COX14: variants seen among roughly 807,000 people sequenced by gnomAD.
COX14 encodes the protein cytochrome c oxidase assembly factor COX14, also known as cytochrome c oxidase assembly protein COX14.
Under a neutral mutation model 5.8 loss-of-function variants are expected in COX14, and 3 were observed. That is an observed-to-expected ratio of 0.51 (90% CI 0.23 to 1.33). The LOEUF is 1.33. Among genes scored for constraint, COX14 ranks in the 40% most tolerant of loss-of-function variants. The pLI is 0.18. For missense variants in COX14, 72 were observed against 72.1 expected (o/e 1.00, Z 0.01); for synonymous variants, 25 against 26.1 (o/e 0.96, Z 0.13).
In COX14 at chr12:50,112,251, C is replaced by T. The variant is rs377383530; in HGVS notation, c.-59C>T. 3.0e-4 allele frequency: 290 copies of T among 969,812 alleles called. 3 individuals carry two copies. The South Asian group carries it at 0.012, about 39-fold the overall frequency. 60.1% of individuals were successfully genotyped at this position (969,812 alleles called of 1,614,324 possible). On this transcript the variant is annotated 5_prime_UTR_variant, in exon 1 of 2. Transcript: ENST00000550487. The stretch of plus-strand genomic sequence containing the variant: ...TTGCGTAGACAGTGGCCTCGAGACC[C>T]TGCCTGCCTGAGGAGGCCTCGGTTG...
chr12:50,117,895 TG>T (rs1199317996), intron 1 of COX14, among the ~76,000 whole-genome samples: 1 of 151,506 alleles, frequency 6.6e-6, no homozygotes. Flanking sequence ...AGGCGCGCAC[TG>T]CCATGCCCAG....
rs938358460 is a variant in COX14 at position 50,120,451 on chromosome 12, G to A, written c.*234G>A. ...CTACAGACATTAAATAATTTGCTGT[G>A]TCTGTGTCTTGGTGTTTTTTGTTTA... On this transcript the variant is annotated 3_prime_UTR_variant, in exon 2 of 2. Transcript: ENST00000550487. 2.1e-6 allele frequency: 1 copy of A among 472,630 alleles called. No individual in the cohort carries two copies. The highest frequency in any genetic ancestry group is 3.9e-6 in the Non-Finnish European group (1 of 255,446). The allele number at this position is 472,630 out of a possible 1,614,324, so 29.3% of individuals were successfully genotyped here.
intron 1 of COX14, among the ~76,000 whole-genome samples, chr12:50,118,776 A>G (rs577152591): frequency 2.8e-4 from 42 of 152,170 alleles, no homozygotes; most frequent in Non-Finnish European, 4.6e-4. Context: ...CAAAAAATAT[A>G]TCTATATATC....
chr12:50,116,313 G>A (rs1186808912), intron 1 of COX14, among the ~76,000 whole-genome samples: 3 of 152,158 alleles, frequency 2.0e-5, no homozygotes, highest in East Asian at 1.9e-4. Flanking sequence ...GGCTGGTCTC[G>A]AACTCCTGAC....
intron 1 of COX14, among the ~76,000 whole-genome samples, chr12:50,114,253 AT>A (rs1274771005): frequency 4.2e-4 from 60 of 142,154 alleles, no homozygotes; most frequent in Non-Finnish European, 4.5e-4. Context: ...TGTTTCTGGA[AT>A]TTTTTTTTTT....
chr12:50,113,660 T>C (rs760309855), intron 1 of COX14, among the ~76,000 whole-genome samples: 4 of 151,224 alleles, frequency 2.6e-5, no homozygotes, highest in Non-Finnish European at 4.4e-5. Flanking sequence ...TGAGACGGAG[T>C]CTCGCCCTGT....
chr12:50,117,659 A>T (rs1951092980), intron 1 of COX14, among the ~76,000 whole-genome samples: 2 of 149,400 alleles, frequency 1.3e-5, no homozygotes, highest in Admixed American at 1.3e-4. Flanking sequence ...GCTCAACTGC[A>T]ACCTCTGCCT....
At chr12:50,117,350 G>A (rs1021312249) in intron 1 of COX14, among the ~76,000 whole-genome samples, 3 of 151,670 alleles carry the variant, frequency 2.0e-5, no homozygotes, top group African/African-American at 7.3e-5. Flanking sequence ...TGTATGCTTT[G>A]GTGTGTGTGT....
chr12:50,113,303 A>ATTTT (rs36016055), intron 1 of COX14, among the ~76,000 whole-genome samples: 1 of 138,872 alleles, frequency 7.2e-6, no homozygotes, highest in Non-Finnish European at 1.6e-5. Context: ...CGTTTACGCA[A>ATTTT]TTTTTTTTTT....
rs538850633 is a variant in COX14 at position 50,117,605 on chromosome 12, G to A, written c.-8-2431G>A. Among the ~76,000 whole-genome samples, 91 of 146,074 alleles carry A rather than the reference G, an allele frequency of 6.2e-4. No homozygotes were observed. The Middle Eastern group carries it at 0.014, about 22-fold the overall frequency. The stretch of plus-strand genomic sequence containing the variant: ...TCTTTTTTTTTTTTTTTGAGACGGT[G>A]TCTCACTCTGTTGCCCAGGTTGGAG... On this transcript the variant is annotated intron_variant, in intron 1 of 1. Coordinates refer to ENST00000550487, the MANE Select transcript of COX14 (RefSeq NM_032901.4).
At chr12:50,117,604 T>G (rs1592310623) in intron 1 of COX14, among the ~76,000 whole-genome samples, 2 of 138,480 alleles carry the variant, frequency 1.4e-5, no homozygotes, top group African/African-American at 5.5e-5. Flanking sequence ...TTTGAGACGG[T>G]GTCTCACTCT....
chr12:50,112,942 T>C (rs1429572040), intron 1 of COX14: 1 of 151,936 alleles, frequency 6.6e-6, no homozygotes, highest in Non-Finnish European at 1.5e-5. Context: ...TGTTATGTTA[T>C]GTTATTTTGA....
At chr12:50,113,390 G>C (rs1253338813) in intron 1 of COX14, among the ~76,000 whole-genome samples, 1 of 147,860 alleles carries the variant, frequency 6.8e-6, no homozygotes, top group Non-Finnish European at 1.5e-5. Flanking sequence ...TACAAGCTCC[G>C]CCTTCCGGGT....
Position 50,120,039 on chromosome 12 carries a change from A to G in COX14, c.-5A>G, listed in dbSNP as rs199552105. On this transcript the variant is annotated 5_prime_UTR_variant, in exon 2 of 2. Coordinates refer to ENST00000550487, the MANE Select transcript of COX14 (RefSeq NM_032901.4). The stretch of plus-strand genomic sequence containing the variant: ...TAAATTCAATCTGTCTTTGTAGGGG[A>G]CAAGATGCCAACTGGCAAGCAGCTA... The G allele has an allele frequency of 6.2e-7, 1 of 1,613,742 alleles. No homozygotes were observed. Among genetic ancestry groups the G allele is most frequent in the Admixed American group, 1.7e-5 (1 of 60,012 alleles).
Position 50,114,814 on chromosome 12 carries a change from C to T in COX14, c.-9+2513C>T, listed in dbSNP as rs1388008643. On this transcript the variant is annotated intron_variant, in intron 1 of 1. Transcript: ENST00000550487. ...TTTTTTTTTTTTTGAGATGGAGTCT[C>T]ACTCTGTCGCCAGGCTGGAGTACAG... 4.5e-5 allele frequency among the ~76,000 whole-genome samples: 5 copies of T among 111,182 alleles called. No individual in the cohort carries two copies. In the South Asian group the frequency reaches 1.7e-3, roughly 37 times the overall value. The allele number at this position is 111,182 out of a possible 152,430, so 72.9% of individuals were successfully genotyped here. A position where few individuals can be genotyped will look rare whatever the true frequency, so the allele number is the denominator to read the frequency against.
In COX14 at chr12:50,120,391, T is replaced by A; in HGVS notation, c.*174T>A. On this transcript the variant is annotated 3_prime_UTR_variant, in exon 2 of 2. Transcript: ENST00000550487. ...CCAGTTTGACAGTTTATGGAGGCTT[T>A]TGAATCGTAATAGCAATGTGAGGGT... 1.7e-6 allele frequency: 1 copy of A among 599,170 alleles called. No individual in the cohort carries two copies. Among genetic ancestry groups the A allele is most frequent in the Admixed American group, 3.1e-5 (1 of 32,018 alleles). The allele number at this position is 599,170 out of a possible 1,614,324, so 37.1% of individuals were successfully genotyped here.
intron 1 of COX14, 26 bp downstream of exon 1, chr12:50,112,327 G>C (rs1951032560): frequency 8.1e-6 from 8 of 985,530 alleles, no homozygotes; most frequent in Non-Finnish European, 9.6e-6. Flanking sequence ...GGGCCGAGCA[G>C]GGGCTGCCAG....
intron 1 of COX14, among the ~76,000 whole-genome samples, chr12:50,113,055 A>G (rs1592307060): frequency 6.6e-6 from 1 of 151,498 alleles, no homozygotes; most frequent in East Asian, 1.9e-4. Flanking sequence ...GTTGTTTTTA[A>G]ATAGAGAAAA....
intron 1 of COX14, among the ~76,000 whole-genome samples, chr12:50,113,175 G>GTTATTTTATTTATTT (rs1167160498): frequency 6.6e-6 from 1 of 151,686 alleles, no homozygotes; most frequent in East Asian, 1.9e-4. Context: ...GTACCCGGCC[G>GTTATTTTATTTATTT]ATGTACTACT....
Sources: gnomAD v4.1 joint callset for allele counts (sites outside exome capture counted in the v4.1 genomes callset) on GRCh38, gnomAD v4.1.1 for gene constraint, MANE v1.5 for transcripts, NCBI Gene and HGNC (gene_info 2026-07-23, HGNC 2026-07-21) for gene names.